The following LDB2 variants were observed in gnomAD, a reference collection of about 807,000 sequenced individuals.
The protein encoded by LDB2 is LIM domain binding 2.
Under a neutral mutation model 44.3 loss-of-function variants are expected in LDB2, and 12 were observed. That is an observed-to-expected ratio of 0.27 (90% CI 0.17 to 0.44). The LOEUF (loss-of-function observed/expected upper bound fraction) is 0.44, where lower values mean the gene tolerates loss of function less well. Ranked by LOEUF, LDB2 falls within the 20% of genes least tolerant of loss-of-function variation. The pLI is 1.00. For synonymous variants in LDB2, 164 were observed against 174.8 expected, an observed-to-expected ratio of 0.94 and a Z score of 0.49; for missense variants, 344 against 473.5, an observed-to-expected ratio of 0.73 and a Z score of 2.54.
rs990141596 is a variant in LDB2 at position 16,533,465 on chromosome 4, G to A, written c.616-21361C>T. 2.0e-5 allele frequency among the ~76,000 whole-genome samples: 3 copies of A among 152,208 alleles called. No homozygotes were observed. The highest frequency in any genetic ancestry group is 7.2e-5 in the African/African-American group (3 of 41,446). On this transcript the variant is annotated intron_variant, in intron 5 of 7. Coordinates refer to ENST00000304523, the MANE Select transcript of LDB2 (RefSeq NM_001290.5). The surrounding 1 kb of genome is among the most constrained non-coding windows in gnomAD (Gnocchi z 4.1). The stretch of plus-strand genomic sequence containing the variant: ...AGAGCCCTGGTTGCTGAGTTCCAAA[G>A]TGGATTAAGATGGACTTAAGTGGGT...
chr4:16,789,454 T>A (rs909397503), intron 1 of LDB2, among the ~76,000 whole-genome samples: 4 of 152,180 alleles, frequency 2.6e-5, no homozygotes, highest in Non-Finnish European at 1.5e-5. Context: ...CTTTGGATGC[T>A]CTGAAACCAA....
intron 2 of LDB2, 35 bp downstream of exon 2, chr4:16,759,123 C>T (rs200849419): frequency 6.9e-5 from 101 of 1,458,024 alleles, no homozygotes; most frequent in South Asian, 1.5e-4. Context: ...AGGCACAAAA[C>T]GAGGTAATAT....
chr4:16,836,210 T>C (rs1330719878), intron 1 of LDB2, among the ~76,000 whole-genome samples: 3 of 152,108 alleles, frequency 2.0e-5, no homozygotes, highest in Non-Finnish European at 4.4e-5. Flanking sequence ...AAGAGAGAGG[T>C]GGCTTTCCAT....
chr4:16,531,999 T>C (rs1242407366), intron 5 of LDB2, among the ~76,000 whole-genome samples: 1 of 151,886 alleles, frequency 6.6e-6, no homozygotes, highest in African/African-American at 2.4e-5. Context: ...AATAAAAGGC[T>C]TTTTCTGAGG....
intron 2 of LDB2, among the ~76,000 whole-genome samples, chr4:16,744,594 C>T (rs62296590): frequency 0.011 from 1,668 of 152,212 alleles, 17 homozygotes; most frequent in Middle Eastern, 0.031. Flanking sequence ...CCTGCCTCAG[C>T]CTCCCAAGTA....
intron 1 of LDB2, among the ~76,000 whole-genome samples, chr4:16,777,822 T>C (rs1772277322): frequency 2.6e-5 from 4 of 152,344 alleles, no homozygotes; most frequent in African/African-American, 9.6e-5. Context: ...ACACAGAGCA[T>C]GATCAGTAAC....
intron 2 of LDB2, among the ~76,000 whole-genome samples, chr4:16,750,340 T>C (rs1329724589): frequency 1.3e-5 from 2 of 152,190 alleles, no homozygotes; most frequent in Admixed American, 1.3e-4. Context: ...GGGCAAGCCA[T>C]ATATATCACA....
intron 6 of LDB2, among the ~76,000 whole-genome samples, chr4:16,509,152 C>T (rs1299748294): frequency 6.6e-6 from 1 of 152,072 alleles, no homozygotes; most frequent in Non-Finnish European, 1.5e-5. Context: ...ATTCATGAGC[C>T]AGTGTGCAAC....
chr4:16,824,552 C>T (rs779467742), intron 1 of LDB2, among the ~76,000 whole-genome samples: 8 of 152,176 alleles, frequency 5.3e-5, no homozygotes, highest in Non-Finnish European at 4.4e-5. Context: ...GTTTTATCAT[C>T]CTCATTTTGC....
At chr4:16,737,662 A>G (rs191939677) in intron 2 of LDB2, among the ~76,000 whole-genome samples, 22 of 152,340 alleles carry the variant, frequency 1.4e-4, no homozygotes, top group African/African-American at 5.3e-4. Flanking sequence ...GTTGTTATAT[A>G]TTGAGCAAAG....
At chr4:16,774,761 G>A (rs1442117386) in intron 1 of LDB2, among the ~76,000 whole-genome samples, 1 of 152,152 alleles carries the variant, frequency 6.6e-6, no homozygotes, top group African/African-American at 2.4e-5. Context: ...GTGTTTGTGT[G>A]TGCATGTGTG....
At chr4:16,587,876 A>C (rs1030701097) in intron 4 of LDB2, among the ~76,000 whole-genome samples, 5 of 152,212 alleles carry the variant, frequency 3.3e-5, no homozygotes, top group African/African-American at 1.2e-4. Flanking sequence ...CAATATCATG[A>C]GATATACAAA....
At chr4:16,780,132 T>G (rs575201307) in intron 1 of LDB2, among the ~76,000 whole-genome samples, 7 of 152,270 alleles carry the variant, frequency 4.6e-5, no homozygotes, top group South Asian at 4.1e-4. Context: ...AACACACAAG[T>G]GAATAAAACC....
intron 5 of LDB2, among the ~76,000 whole-genome samples, chr4:16,524,087 G>A (rs1727298671): frequency 6.6e-6 from 1 of 152,180 alleles, no homozygotes; most frequent in Non-Finnish European, 1.5e-5. Context: ...AAATAGGGAT[G>A]CGGTAGGATG....
At chr4:16,632,443 G>C (rs1024035081) in intron 2 of LDB2, among the ~76,000 whole-genome samples, 6 of 152,074 alleles carry the variant, frequency 3.9e-5, no homozygotes, top group African/African-American at 1.4e-4. Context: ...AAAATAATAA[G>C]AGCTATTTAT....
intron 2 of LDB2, among the ~76,000 whole-genome samples, chr4:16,755,678 A>T (rs113591273): frequency 1.3e-5 from 2 of 152,094 alleles, no homozygotes; most frequent in African/African-American, 4.8e-5. Flanking sequence ...TTTAGCCCTA[A>T]TGTTCTTTAT....
chr4:16,762,873 G>A (rs1469452495), intron 1 of LDB2, among the ~76,000 whole-genome samples: 3 of 152,158 alleles, frequency 2.0e-5, no homozygotes, highest in African/African-American at 7.2e-5. Flanking sequence ...TGAGGTTCGA[G>A]GAATGTCTAT....
chr4:16,542,102 G>GA (rs1553889151), intron 5 of LDB2, among the ~76,000 whole-genome samples: 1 of 4,876 alleles, frequency 2.1e-4, no homozygotes, highest in Admixed American at 1.3e-3. Flanking sequence ...ATCAGGTGGT[G>GA]GGGGGGGGGG....
At chr4:16,511,676 A>T (rs1463146976) in intron 6 of LDB2, among the ~76,000 whole-genome samples, 1 of 152,108 alleles carries the variant, frequency 6.6e-6, no homozygotes, top group Admixed American at 6.5e-5. Flanking sequence ...CTAGATTAGA[A>T]GACAGGAACC....
Sources: gnomAD v4.1 joint callset for allele counts (sites outside exome capture counted in the v4.1 genomes callset) on GRCh38, gnomAD v4.1.1 for gene constraint, Gnocchi (gnomAD v3.1) non-coding constraint, MANE v1.5 for transcripts, NCBI Gene and HGNC (gene_info 2026-07-23, HGNC 2026-07-21) for gene names.